Variants in DISC1 observed in about 807,000 individuals in gnomAD.
The protein encoded by DISC1 is DISC1 scaffold protein.
In DISC1, 57 loss-of-function variants were observed where a neutral mutation model predicts 84.5. That is an observed-to-expected ratio of 0.67 (90% CI 0.55 to 0.84). The LOEUF is 0.84. Ranked by LOEUF, DISC1 falls within the 40% of genes least tolerant of loss-of-function variation. The pLI is 0.00. For missense variants in DISC1, 1,000 were observed against 1,057.8 expected (o/e 0.95, Z 0.76); for synonymous variants, 411 against 415.2 (o/e 0.99, Z 0.12).
intron 1 of DISC1, among the ~76,000 whole-genome samples, chr1:231,687,599 AT>A: frequency 6.6e-6 from 1 of 152,272 alleles, no homozygotes; most frequent in African/African-American, 2.4e-5. Context: ...GATTTGTATT[AT>A]TTTTATATCA....
chr1:231,934,407 A>G (rs2090858354), intron 9 of DISC1, among the ~76,000 whole-genome samples: 1 of 152,134 alleles, frequency 6.6e-6, no homozygotes, highest in Non-Finnish European at 1.5e-5. Flanking sequence ...TGCTGTGGGG[A>G]CTGTGTGTTA....
chr1:231,696,709 C>A (rs1277070002), intron 2 of DISC1, among the ~76,000 whole-genome samples: 3 of 152,206 alleles, frequency 2.0e-5, no homozygotes, highest in Non-Finnish European at 4.4e-5. Context: ...TACAACAATA[C>A]CTTACCATTG....
At chr1:231,645,560 T>G (rs2125229428) in intron 1 of DISC1, among the ~76,000 whole-genome samples, 1 of 152,204 alleles carries the variant, frequency 6.6e-6, no homozygotes, top group East Asian at 1.9e-4. Flanking sequence ...GGGGTACATG[T>G]GCACAACATG....
chr1:231,945,987 A>G (rs1657111452), intron 9 of DISC1, among the ~76,000 whole-genome samples: 1 of 152,202 alleles, frequency 6.6e-6, no homozygotes, highest in Admixed American at 6.5e-5. Flanking sequence ...CCAACCAAAA[A>G]AAGTCCAGGA....
At chr1:231,782,534 A>C (rs1228199890) in intron 6 of DISC1, among the ~76,000 whole-genome samples, 1 of 152,262 alleles carries the variant, frequency 6.6e-6, no homozygotes, top group East Asian at 1.9e-4. Context: ...AAGAAGAATA[A>C]ACCCACAGCA....
chr1:231,663,911 C>A (rs1423208550), intron 1 of DISC1, among the ~76,000 whole-genome samples: 1 of 152,086 alleles, frequency 6.6e-6, no homozygotes, highest in Non-Finnish European at 1.5e-5. Context: ...AAATACTGAT[C>A]TTAATCCTAA....
intron 11 of DISC1, among the ~76,000 whole-genome samples, chr1:232,024,425 G>A (rs957888329): frequency 2.0e-5 from 3 of 152,114 alleles, no homozygotes; most frequent in Admixed American, 6.5e-5. Context: ...GGATTTAATT[G>A]TTATTTGTGG....
rs1558717848 is a variant in DISC1 at position 231,907,175 on chromosome 1, C to CTTTCTCTTTA, written c.1982-51650_1982-51649insCTCTTTATTT. On this transcript the variant is annotated intron_variant, in intron 9 of 12. Coordinates refer to ENST00000439617, the MANE Select transcript of DISC1 (RefSeq NM_018662.3). ...TTTCTTTCTTTCTTTCTTTCTCTTT[C>CTTTCTCTTTA]TTTTATTATACTTTAAGTTCTAGGG... 1.7e-3 allele frequency among the ~76,000 whole-genome samples: 189 copies of CTTTCTCTTTA among 112,104 alleles called. 3 individuals carry two copies. Among genetic ancestry groups the CTTTCTCTTTA allele is most frequent in the African/African-American group, 6.5e-3 (176 of 26,956 alleles). The allele number at this position is 112,104 out of a possible 152,430, so 73.5% of individuals were successfully genotyped here.
At chr1:232,033,092 C>G (rs1179768505) in intron 12 of DISC1, among the ~76,000 whole-genome samples, 2 of 152,106 alleles carry the variant, frequency 1.3e-5, no homozygotes, top group Admixed American at 6.5e-5. Context: ...ATAAGCTTGT[C>G]CAACTTACCC....
At chr1:231,645,530 T>A (rs377139120) in intron 1 of DISC1, among the ~76,000 whole-genome samples, 1 of 151,584 alleles carries the variant, frequency 6.6e-6, no homozygotes, top group East Asian at 1.9e-4. Flanking sequence ...TTTTAAAAAA[T>A]TTATTATACT....
At chr1:232,036,600 C>A in intron 12 of DISC1, 92 bp from the exon 13 acceptor site, 1 of 1,280,556 alleles carries the variant, frequency 7.8e-7, no homozygotes, top group Non-Finnish European at 1.0e-6. Flanking sequence ...CAGTACCCAT[C>A]TGCTTCCAGC....
chr1:231,824,905 T>TCCATCCAC lies in DISC1; in HGVS notation c.1981+6396_1981+6403dup, dbSNP rs962669507. Among the ~76,000 whole-genome samples, 5 of 144,054 alleles carry TCCATCCAC rather than the reference T, an allele frequency of 3.5e-5. No individual in the cohort carries two copies. The East Asian group carries it at 9.7e-4, about 28-fold the overall frequency. The allele number at this position is 144,054 out of a possible 152,430, so 94.5% of individuals were successfully genotyped here. On this transcript the variant is annotated intron_variant, in intron 9 of 12. Coordinates refer to ENST00000439617, the MANE Select transcript of DISC1 (RefSeq NM_018662.3). ...ATCCATCCATCCATCCATCCATCCA[T>TCCATCCAC]CCATCCACCCATCCATCCATCCTTT... is the stretch of plus-strand genomic sequence containing the variant.
chr1:231,869,451 A>G (rs780854076), intron 9 of DISC1, among the ~76,000 whole-genome samples: 1 of 152,112 alleles, frequency 6.6e-6, no homozygotes, highest in African/African-American at 2.4e-5. Context: ...TGTTGCTATA[A>G]TGGAATAATT....
At chr1:231,671,853 T>C (rs1409308665) in intron 1 of DISC1, among the ~76,000 whole-genome samples, 1 of 152,234 alleles carries the variant, frequency 6.6e-6, no homozygotes, top group Non-Finnish European at 1.5e-5. Flanking sequence ...ATAGCACTGC[T>C]ATGAGATGAA....
At chr1:232,023,175 G>A (rs1669124272) in intron 11 of DISC1, among the ~76,000 whole-genome samples, 1 of 152,002 alleles carries the variant, frequency 6.6e-6, no homozygotes, top group Admixed American at 6.6e-5. Flanking sequence ...CCATAATACT[G>A]CCCCACAAAT....
At chr1:231,814,812 C>T (rs546103422) in intron 8 of DISC1, among the ~76,000 whole-genome samples, 2 of 152,164 alleles carry the variant, frequency 1.3e-5, no homozygotes, top group South Asian at 2.1e-4. Flanking sequence ...CATTGAAACA[C>T]CAGGGGGTTG....
chr1:231,978,062 A>T (rs547566433), intron 10 of DISC1, among the ~76,000 whole-genome samples: 11 of 151,800 alleles, frequency 7.2e-5, no homozygotes, highest in African/African-American at 2.4e-4. Flanking sequence ...TCCTGTGGTC[A>T]TTCACATGTG....
intron 1 of DISC1, among the ~76,000 whole-genome samples, chr1:231,636,859 C>T (rs1347833920): frequency 6.6e-6 from 1 of 152,152 alleles, no homozygotes; most frequent in Non-Finnish European, 1.5e-5. Context: ...CATAGGTATA[C>T]ATGTGCCATG....
rs187925583 is a variant in DISC1, at chr1:231,641,589, G to A, written c.67+14655G>A. ...ATGTGCAAAGGGACCGGAGAGGGTTGCCGCTGCTGGCGCCTGCAGCCTGCT... is the reference window on the plus strand; with the variant it reads ...ATGTGCAAAGGGACCGGAGAGGGTTACCGCTGCTGGCGCCTGCAGCCTGCT... On this transcript the variant is annotated intron_variant, in intron 1 of 12. Transcript: ENST00000439617. Among the ~76,000 whole-genome samples, 528 of 152,314 alleles carry A rather than the reference G, an allele frequency of 3.5e-3. 2 individuals carry two copies. The highest frequency in any genetic ancestry group is 5.7e-3 in the Non-Finnish European group (387 of 68,030).
Sources: allele counts gnomAD v4.1 joint callset (sites outside exome capture counted in the v4.1 genomes callset), GRCh38; gene constraint gnomAD v4.1.1; transcripts MANE v1.5; gene names NCBI Gene and HGNC (gene_info 2026-07-23, HGNC 2026-07-21).